The following NTM variants were observed in gnomAD, a reference collection of about 807,000 sequenced individuals.
The protein encoded by NTM is IgLON family member 2.
In NTM, 13 loss-of-function variants were observed where a neutral mutation model predicts 42.1. That is an observed-to-expected ratio of 0.31 (90% CI 0.20 to 0.49). NTM has a LOEUF of 0.49. Ranked by LOEUF, NTM falls within the 20% of genes least tolerant of loss-of-function variation. The probability of loss-of-function intolerance (pLI) is 0.99; values close to 1 mark genes in which losing one functional copy is unlikely to be tolerated. For synonymous variants in NTM, 187 were observed against 179.2 expected, an observed-to-expected ratio of 1.04 and a Z score of -0.35; for missense variants, 373 against 452.8, an observed-to-expected ratio of 0.82 and a Z score of 1.60.
At chr11:132,034,191 AG>A (rs545701472) in intron 2 of NTM, among the ~76,000 whole-genome samples, 103 of 152,296 alleles carry the variant, frequency 6.8e-4, no homozygotes, top group African/African-American at 2.2e-3. Flanking sequence ...AAATGCTTCA[AG>A]GTCTGGGAAT....
At chr11:132,092,055 A>G (rs903858594) in intron 2 of NTM, among the ~76,000 whole-genome samples, 2 of 152,192 alleles carry the variant, frequency 1.3e-5, no homozygotes. Context: ...CCAAAGCTAG[A>G]TCTTCTAGCA....
At chr11:132,169,715 A>C (rs990305564) in intron 3 of NTM, among the ~76,000 whole-genome samples, 1 of 152,172 alleles carries the variant, frequency 6.6e-6, no homozygotes, top group African/African-American at 2.4e-5. Context: ...GATAAGAAGC[A>C]GAATACTGAC....
chr11:132,334,495 G>T (rs145313979), intron 8 of NTM, among the ~76,000 whole-genome samples: 1 of 152,374 alleles, frequency 6.6e-6, no homozygotes, highest in East Asian at 1.9e-4. Flanking sequence ...GTGGAACCCA[G>T]GTGCCCTGCC....
At chr11:132,179,436 G>GAGAGAC (rs1345085408) in intron 3 of NTM, among the ~76,000 whole-genome samples, 3 of 152,104 alleles carry the variant, frequency 2.0e-5, no homozygotes, top group Non-Finnish European at 4.4e-5. Flanking sequence ...TGTGTGGAGA[G>GAGAGAC]AGAGACAGAG....
intron 2 of NTM, among the ~76,000 whole-genome samples, chr11:132,113,710 G>A (rs1483622119): frequency 6.6e-6 from 1 of 152,196 alleles, no homozygotes; most frequent in African/African-American, 2.4e-5. Flanking sequence ...AAATGATTGA[G>A]AGGCAGTAAA....
At chr11:132,052,718 G>A (rs564206028) in intron 2 of NTM, among the ~76,000 whole-genome samples, 2 of 152,002 alleles carry the variant, frequency 1.3e-5, no homozygotes, top group East Asian at 3.9e-4. Context: ...TTTTCTAGGG[G>A]GCAAGTGGAA....
chr11:132,205,152 T>C (rs912486379), intron 3 of NTM, among the ~76,000 whole-genome samples: 3 of 152,008 alleles, frequency 2.0e-5, no homozygotes, highest in African/African-American at 2.4e-5. Flanking sequence ...GTCTTCAAGA[T>C]AGAGGAGAGG....
At chr11:131,401,799 AATATATATATATATATATATATATAT>A (rs61167647) in intron 1 of NTM, among the ~76,000 whole-genome samples, 1,535 of 34,996 alleles carry the variant, frequency 0.044, 110 homozygotes, top group Non-Finnish European at 0.047. Context: ...GGCCACTGGA[AATATATATATATATATATATATATAT>A]ATATATATAT....
At chr11:132,064,230 C>T (rs1437434755) in intron 2 of NTM, among the ~76,000 whole-genome samples, 1 of 152,154 alleles carries the variant, frequency 6.6e-6, no homozygotes, top group Admixed American at 6.5e-5. Flanking sequence ...AAACAAAATG[C>T]ATAGGATCAC....
At chr11:131,503,943 C>T (rs1452257390) in intron 1 of NTM, among the ~76,000 whole-genome samples, 1 of 152,210 alleles carries the variant, frequency 6.6e-6, no homozygotes, top group Admixed American at 6.5e-5. Context: ...CCTACACTGA[C>T]TACCTTTGTT....
chr11:131,874,608 T>G (rs2137145936), intron 1 of NTM, among the ~76,000 whole-genome samples: 1 of 152,332 alleles, frequency 6.6e-6, no homozygotes, highest in South Asian at 2.1e-4. Flanking sequence ...TTGTGCATTC[T>G]CAGCCAAGGA....
chr11:131,815,423 C>CA (rs2092912526), intron 1 of NTM, among the ~76,000 whole-genome samples: 1 of 152,272 alleles, frequency 6.6e-6, no homozygotes, highest in South Asian at 2.1e-4. Context: ...GGGCTGTGCG[C>CA]AAAGAGCAGG....
chr11:131,897,738 A>G (rs2052528350), intron 1 of NTM, among the ~76,000 whole-genome samples: 1 of 152,214 alleles, frequency 6.6e-6, no homozygotes, highest in African/African-American at 2.4e-5. Context: ...AAAGACCAAT[A>G]TTCCACAATC....
intron 4 of NTM, among the ~76,000 whole-genome samples, chr11:132,227,702 T>C (rs554283678): frequency 6.6e-6 from 1 of 152,314 alleles, no homozygotes; most frequent in South Asian, 2.1e-4. Context: ...TATGTGTGGC[T>C]TTTGGGTGCT....
intron 1 of NTM, among the ~76,000 whole-genome samples, chr11:131,777,725 A>T (rs1386950191): frequency 3.3e-5 from 5 of 152,146 alleles, no homozygotes; most frequent in Non-Finnish European, 7.3e-5. Flanking sequence ...GTTGCTATGA[A>T]GTTTCTGGTG....
rs577776969 is a variant in NTM at position 131,378,650 on chromosome 11, T to C, written c.82+7762T>C. 7.7e-4 allele frequency among the ~76,000 whole-genome samples: 117 copies of C among 152,312 alleles called. 1 individual carries two copies. Among genetic ancestry groups the C allele is most frequent in the African/African-American group, 2.6e-3 (106 of 41,566 alleles). Reference sequence around the variant, plus strand: ...CTGATAATGACTCTCAATTGATCAATTCCTAAGCCTTCCTGCAAGAGAAAT... The same window carrying C: ...CTGATAATGACTCTCAATTGATCAACTCCTAAGCCTTCCTGCAAGAGAAAT... On this transcript the variant is annotated intron_variant, in intron 1 of 8. Transcript: ENST00000683400.
intron 1 of NTM, among the ~76,000 whole-genome samples, chr11:131,546,174 G>T (rs1374843553): frequency 1.3e-5 from 2 of 152,152 alleles, no homozygotes; most frequent in Non-Finnish European, 2.9e-5. Context: ...CGGGGCAATT[G>T]CATGCTTCAA....
chr11:131,603,236 C>T (rs908657052), intron 1 of NTM, among the ~76,000 whole-genome samples: 15 of 152,240 alleles, frequency 9.9e-5, no homozygotes, highest in Admixed American at 2.6e-4. Context: ...CGTGGGTCCT[C>T]TCCATCCCTC....
At chr11:131,856,378 G>A (rs908390421) in intron 1 of NTM, among the ~76,000 whole-genome samples, 2 of 151,964 alleles carry the variant, frequency 1.3e-5, no homozygotes, top group Admixed American at 6.6e-5. Context: ...ATTTTTCAAC[G>A]AATAATACTC....
Sources: allele counts gnomAD v4.1 joint callset (sites outside exome capture counted in the v4.1 genomes callset), GRCh38; gene constraint gnomAD v4.1.1; transcripts MANE v1.5; gene names NCBI Gene and HGNC (gene_info 2026-07-23, HGNC 2026-07-21).